The following PPP4R2 variants were observed in gnomAD, a reference collection of about 807,000 sequenced individuals.
PPP4R2 encodes serine/threonine-protein phosphatase 4 regulatory subunit 2.
A neutral mutation model predicts 47.2 loss-of-function variants in PPP4R2; 13 were observed. The observed-to-expected ratio is 0.28, with a 90% CI of 0.18 to 0.44. The LOEUF (loss-of-function observed/expected upper bound fraction) is 0.44. Ranked by LOEUF, PPP4R2 falls within the 20% of genes least tolerant of loss-of-function variation. The pLI, the probability that PPP4R2 is intolerant of heterozygous loss-of-function variation, is 1.00. For synonymous variants in PPP4R2, 151 were observed against 163.3 expected, an observed-to-expected ratio of 0.92 and a Z score of 0.57; for missense variants, 421 against 491.2, an observed-to-expected ratio of 0.86 and a Z score of 1.35.
intron 2 of PPP4R2, among the ~76,000 whole-genome samples, chr3:73,011,775 A>G (rs922343436): frequency 2.7e-5 from 3 of 111,632 alleles, no homozygotes; most frequent in Non-Finnish European, 3.7e-5. Context: ...TGATACGTGT[A>G]TTTTAACTTG....
At chr3:73,043,572 T>C (rs141289102) in intron 2 of PPP4R2, among the ~76,000 whole-genome samples, 1 of 152,310 alleles carries the variant, frequency 6.6e-6, no homozygotes, top group Admixed American at 6.5e-5. Flanking sequence ...TGTATGACAT[T>C]ACCAGTTTCC....
At chr3:73,058,249 A>G (rs10865671) in intron 3 of PPP4R2, among the ~76,000 whole-genome samples, 19,637 of 152,108 alleles carry the variant, frequency 0.13, 1,533 homozygotes, top group East Asian at 0.36. Context: ...CTTAGATTAT[A>G]TATGAAATTG....
chr3:73,028,428 G>A (rs190676887), intron 2 of PPP4R2, among the ~76,000 whole-genome samples: 8 of 152,000 alleles, frequency 5.3e-5, no homozygotes, highest in African/African-American at 7.2e-5. Context: ...GGAGTCAGCC[G>A]TGCAATATAT....
chr3:73,018,533 A>G (rs1701897526), intron 2 of PPP4R2, among the ~76,000 whole-genome samples: 2 of 129,956 alleles, frequency 1.5e-5, no homozygotes, highest in African/African-American at 5.5e-5. Context: ...GGCTCATGGC[A>G]GCCTCAACCA....
chr3:73,008,015 T>C (rs1701648517), intron 2 of PPP4R2, among the ~76,000 whole-genome samples: 1 of 151,846 alleles, frequency 6.6e-6, no homozygotes, highest in Non-Finnish European at 1.5e-5. Context: ...CAGATAAAGG[T>C]CAAACCCTCA....
In PPP4R2 at chr3:73,032,385, T is replaced by G. The variant is rs542595907; in HGVS notation, c.117-14801T>G. On this transcript the variant is annotated intron_variant, in intron 2 of 8. Transcript: ENST00000356692. ...CTCATTGCAACCTCCAACTCCCTGGTTCAAGCGATTCTCCTGCCTCAGCCT... is the reference window on the plus strand; with the variant it reads ...CTCATTGCAACCTCCAACTCCCTGGGTCAAGCGATTCTCCTGCCTCAGCCT... Among the ~76,000 whole-genome samples, 15 of 151,934 alleles carry G rather than the reference T, an allele frequency of 9.9e-5. No individual in the cohort carries two copies. The South Asian group carries it at 1.2e-3, about 13-fold the overall frequency.
intron 2 of PPP4R2, among the ~76,000 whole-genome samples, chr3:73,012,216 GTAAA>G (rs1031474294): frequency 3.3e-5 from 5 of 152,160 alleles, no homozygotes; most frequent in Admixed American, 6.6e-5. Flanking sequence ...TAAATGATAC[GTAAA>G]TAGTTTTTAT....
chr3:73,041,016 C>T (rs375453714), intron 2 of PPP4R2, among the ~76,000 whole-genome samples: 1 of 103,596 alleles, frequency 9.7e-6, no homozygotes, highest in Non-Finnish European at 2.0e-5. Flanking sequence ...ATTATGGATA[C>T]ATACTTCTAT....
At chr3:73,046,760 T>G (rs982530936) in intron 2 of PPP4R2, among the ~76,000 whole-genome samples, 2 of 152,136 alleles carry the variant, frequency 1.3e-5, no homozygotes, top group Non-Finnish European at 2.9e-5. Context: ...AATAGACAAA[T>G]TTTACTAGTC....
chr3:73,049,726 G>C (rs1702570601), intron 3 of PPP4R2, among the ~76,000 whole-genome samples: 3 of 150,462 alleles, frequency 2.0e-5, no homozygotes, highest in Non-Finnish European at 4.4e-5. Flanking sequence ...ATTAAGTTGG[G>C]CTAGAAACAA....
At chr3:73,022,914 C>CAGAA (rs1701988662) in intron 2 of PPP4R2, among the ~76,000 whole-genome samples, 2 of 152,000 alleles carry the variant, frequency 1.3e-5, no homozygotes, top group Admixed American at 6.6e-5. Context: ...GAAGGAAAGA[C>CAGAA]TTCTGAGTAT....
rs1484401454 is a variant in PPP4R2 at position 73,016,735 on chromosome 3, TTTTATTA to T, written c.116+18581_116+18587del. Reference sequence around the variant, plus strand: ...CTAGCTTTATTGGTTCATTGTTTATTTTTATTATTTTTTTTTTTTAATACAGAGTCTC... The same window carrying T: ...CTAGCTTTATTGGTTCATTGTTTATTTTTTTTTTTTTTAATACAGAGTCTC... On this transcript the variant is annotated intron_variant, in intron 2 of 8. Transcript: ENST00000356692. Among the ~76,000 whole-genome samples, 7 of 130,500 alleles carry T rather than the reference TTTTATTA, an allele frequency of 5.4e-5. 1 individual carries two copies. Among genetic ancestry groups the T allele is most frequent in the South Asian group, 2.5e-4 (1 of 4,026 alleles). The allele number at this position is 130,500 out of a possible 152,430, so 85.6% of individuals were successfully genotyped here. A position where few individuals can be genotyped will look rare whatever the true frequency, so the allele number is the denominator to read the frequency against.
In PPP4R2 at chr3:73,063,338, A is replaced by AAAAAAAG. The variant is rs373842049; in HGVS notation, c.420-333_420-332insAAAAGAA. On this transcript the variant is annotated intron_variant, in intron 5 of 8. Coordinates refer to ENST00000356692, the MANE Select transcript of PPP4R2 (RefSeq NM_174907.4). Reference sequence around the variant, plus strand: ...TTATTTAAAAAAAAAAAAAAAAAAAAAAGTCCAGGTGTGGTGGCTTAACGC... The same window carrying AAAAAAAG: ...TTATTTAAAAAAAAAAAAAAAAAAAAAAAAAAGAAGTCCAGGTGTGGTGGCTTAACGC... 2.0e-4 allele frequency: 34 copies of AAAAAAAG among 172,804 alleles called. 1 individual carries two copies. Among genetic ancestry groups the AAAAAAAG allele is most frequent in the South Asian group, 1.6e-4 (1 of 6,210 alleles). The allele number at this position is 172,804 out of a possible 1,614,324, so 10.7% of individuals were successfully genotyped here. A position where few individuals can be genotyped will look rare whatever the true frequency, so the allele number is the denominator to read the frequency against.
intron 3 of PPP4R2, among the ~76,000 whole-genome samples, chr3:73,053,908 C>CAGAA (rs376824200): frequency 9.6e-6 from 1 of 103,676 alleles, no homozygotes; most frequent in East Asian, 3.0e-4. Context: ...GACACCATCT[C>CAGAA]AAAAAAAAAA....
rs761125710 is a variant in PPP4R2 at position 72,996,884 on chromosome 3, C to T, written c.-154C>T. The T allele has an allele frequency of 1.1e-4, 47 of 447,430 alleles. No individual in the cohort carries two copies. The highest frequency in any genetic ancestry group is 1.7e-4 in the Non-Finnish European group (43 of 256,932). 27.7% of individuals were successfully genotyped at this position (447,430 alleles called of 1,614,324 possible). A position where few individuals can be genotyped will look rare whatever the true frequency, so the allele number is the denominator to read the frequency against. The stretch of plus-strand genomic sequence containing the variant: ...TCTGTCGGTCTTGCTCTCTCGCACG[C>T]TTCCCCCGGCTCCCTTCGTTTCCCC... On this transcript the variant is annotated 5_prime_UTR_variant, in exon 1 of 9. Coordinates refer to ENST00000356692, the MANE Select transcript of PPP4R2 (RefSeq NM_174907.4).
intron 2 of PPP4R2, among the ~76,000 whole-genome samples, chr3:73,002,649 T>C (rs1241660190): frequency 1.1e-5 from 1 of 92,030 alleles, no homozygotes; most frequent in Non-Finnish European, 2.2e-5. Flanking sequence ...TTTTTTTTTT[T>C]TTTTTTTTTT....
At chr3:73,041,197 C>G (rs1158543536) in intron 2 of PPP4R2, among the ~76,000 whole-genome samples, 1 of 152,174 alleles carries the variant, frequency 6.6e-6, no homozygotes, top group Non-Finnish European at 1.5e-5. Flanking sequence ...GTGTGCTTCT[C>G]CGCTCTCTTC....
intron 3 of PPP4R2, among the ~76,000 whole-genome samples, chr3:73,049,616 AAGTT>A (rs1483672110): frequency 1.3e-5 from 2 of 152,104 alleles, no homozygotes; most frequent in Admixed American, 6.6e-5. Context: ...TCAAAAATAA[AAGTT>A]AAGGTGAAAC....
chr3:73,031,549 AAAAG>A (rs998556006), intron 2 of PPP4R2, among the ~76,000 whole-genome samples: 3 of 106,340 alleles, frequency 2.8e-5, no homozygotes, highest in Non-Finnish European at 6.0e-5. Context: ...CTCAAAAAAG[AAAAG>A]AAAAAAAGAA....
Sources: allele counts gnomAD v4.1 joint callset (sites outside exome capture counted in the v4.1 genomes callset), GRCh38; gene constraint gnomAD v4.1.1; transcripts MANE v1.5; gene names NCBI Gene and HGNC (gene_info 2026-07-23, HGNC 2026-07-21).